DGKB: variants seen among roughly 807,000 people sequenced by gnomAD.
DGKB encodes the protein 90 kDa diacylglycerol kinase.
Under a neutral mutation model 114.3 loss-of-function variants are expected in DGKB, and 67 were observed. That is an observed-to-expected ratio of 0.59 (90% CI 0.48 to 0.72). The LOEUF is 0.72. Among genes scored for constraint, DGKB ranks in the 30% least tolerant of loss-of-function variants. The pLI is 0.00. For missense variants in DGKB, 907 were observed against 975.2 expected (o/e 0.93, Z 0.93); for synonymous variants, 398 against 323.1 (o/e 1.23, Z -2.49).
At chr7:14,933,408 C>T (rs1037301799) in intron 1 of DGKB, among the ~76,000 whole-genome samples, 1 of 152,038 alleles carries the variant, frequency 6.6e-6, no homozygotes. Flanking sequence ...CCCTTTGCCC[C>T]CAATTAAATT....
At chr7:14,277,117 CA>C (rs781478986) in intron 23 of DGKB, among the ~76,000 whole-genome samples, 10 of 152,082 alleles carry the variant, frequency 6.6e-5, no homozygotes, top group Non-Finnish European at 1.2e-4. Context: ...CTTTGACCAA[CA>C]ACTCGTTATT....
intron 8 of DGKB, among the ~76,000 whole-genome samples, chr7:14,697,830 GAGAA>G (rs1824292017): frequency 7.0e-6 from 1 of 142,302 alleles, no homozygotes; most frequent in East Asian, 2.1e-4. Context: ...AGGAGAGAGA[GAGAA>G]GGAAGGAAGG....
chr7:14,580,245 T>C (rs1253433712), intron 19 of DGKB, among the ~76,000 whole-genome samples: 2 of 152,206 alleles, frequency 1.3e-5, no homozygotes, highest in African/African-American at 4.8e-5. Context: ...ATTATCTAGC[T>C]AGCAGTTTTT....
chr7:14,901,004 C>A (rs534178891), intron 1 of DGKB, among the ~76,000 whole-genome samples: 9 of 152,174 alleles, frequency 5.9e-5, no homozygotes, highest in South Asian at 2.1e-4. Flanking sequence ...AATTTTTAAC[C>A]ACCCTCATGT....
At chr7:14,478,283 A>T in intron 20 of DGKB, 58 bp from the exon 21 acceptor site, 9 of 989,560 alleles carry the variant, frequency 9.1e-6, no homozygotes, top group Non-Finnish European at 1.3e-5. Flanking sequence ...TTATTTTATG[A>T]AAATGTAGAC....
rs193023550 is a variant in DGKB at position 14,665,244 on chromosome 7, G to C, written c.1134+7685C>G. Among the ~76,000 whole-genome samples, 113 of 152,070 alleles carry C rather than the reference G, an allele frequency of 7.4e-4. 1 individual carries two copies. The highest frequency in any genetic ancestry group is 2.6e-3 in the African/African-American group (106 of 41,534). ...TGTTCTTGGCAAGAGCATGGATGGA[G>C]CTAAAGGCCATTTTCCTTAGGAAAC... is the stretch of plus-strand genomic sequence containing the variant. On this transcript the variant is annotated intron_variant, in intron 13 of 25. Transcript: ENST00000402815.
intron 12 of DGKB, among the ~76,000 whole-genome samples, chr7:14,675,671 C>G (rs928943356): frequency 6.6e-6 from 1 of 151,400 alleles, no homozygotes; most frequent in African/African-American, 2.4e-5. Context: ...TCTAGGCGGT[C>G]GTAAGGCACT....
chr7:14,794,214 ATTTTAAAGATAAG>A (rs902913743), intron 2 of DGKB, among the ~76,000 whole-genome samples: 7 of 152,164 alleles, frequency 4.6e-5, no homozygotes, highest in Non-Finnish European at 7.4e-5. Context: ...GAGGAACGTA[ATTTTAAAGATAAG>A]TTTTCAAAAT....
chr7:14,639,992 T>G (rs1811444608), intron 13 of DGKB, among the ~76,000 whole-genome samples: 1 of 152,154 alleles, frequency 6.6e-6, no homozygotes, highest in Non-Finnish European at 1.5e-5. Context: ...TGCACAAACA[T>G]ACTTATGGTT....
At chr7:14,703,424 G>C (rs1825569908) in intron 6 of DGKB, among the ~76,000 whole-genome samples, 1 of 152,204 alleles carries the variant, frequency 6.6e-6, no homozygotes, top group South Asian at 2.1e-4. Context: ...ATTACTGACA[G>C]TGTCTGAAAC....
chr7:14,643,471 G>C (rs1812241744), intron 13 of DGKB, among the ~76,000 whole-genome samples: 1 of 152,108 alleles, frequency 6.6e-6, no homozygotes, highest in African/African-American at 2.4e-5. Flanking sequence ...GGGCCAAATA[G>C]CCCCTGTATC....
chr7:14,181,597 T>G (rs371528585), intron 23 of DGKB, among the ~76,000 whole-genome samples: 1 of 152,118 alleles, frequency 6.6e-6, no homozygotes, highest in East Asian at 1.9e-4. Context: ...TCCTTGAGTG[T>G]GAGAAAAAGA....
chr7:14,412,845 A>T (rs12539016), intron 21 of DGKB, among the ~76,000 whole-genome samples: 1 of 151,684 alleles, frequency 6.6e-6, no homozygotes, highest in Non-Finnish European at 1.5e-5. Flanking sequence ...AGAAGGCGTG[A>T]TGGTGCGTGC....
At chr7:14,762,862 T>C (rs1218753242) in intron 2 of DGKB, among the ~76,000 whole-genome samples, 1 of 152,164 alleles carries the variant, frequency 6.6e-6, no homozygotes, top group African/African-American at 2.4e-5. Flanking sequence ...AGAATAATGA[T>C]AGGGATCTGG....
chr7:14,903,351 C>T (rs1783418717), upstream of DGKB: 1 of 152,090 alleles, frequency 6.6e-6, no homozygotes, highest in Admixed American at 6.6e-5. Flanking sequence ...TGATGGAGCT[C>T]AGGGGAAAAT....
In DGKB at chr7:14,178,147, G is replaced by C. The variant is rs371859378; in HGVS notation, c.2127C>G (p.Leu709=). 1 of 1,613,340 alleles carries C rather than the reference G, an allele frequency of 6.2e-7. No homozygotes were observed. Among genetic ancestry groups the C allele is most frequent in the South Asian group, 1.1e-5 (1 of 91,066 alleles). The part of the protein sequence containing the change: ...AKELKFASQD[L]SDQLLEVVGL... ...CGACCACCTCCAGCAGCTGGTCACT[G>C]AGATCTGAAAGAAAGTAGATGCCTT... Residue 709 remains leucine, a synonymous_variant, in exon 24 of 26, where the codon CTC becomes CTG. Coordinates refer to ENST00000402815, the MANE Select transcript of DGKB (RefSeq NM_001350709.2).
intron 23 of DGKB, 77 bp from the exon 24 acceptor site, chr7:14,178,228 A>G: frequency 6.8e-6 from 10 of 1,463,160 alleles, no homozygotes; most frequent in Non-Finnish European, 9.2e-6. Context: ...GATATTATGG[A>G]GATTAAAAAA....
intron 20 of DGKB, among the ~76,000 whole-genome samples, chr7:14,495,922 A>C (rs1428464908): frequency 6.6e-6 from 1 of 151,798 alleles, no homozygotes. Flanking sequence ...AATTGACCAC[A>C]CAAAAAAAAG....
At chr7:14,625,735 G>A (rs1336141882) in intron 14 of DGKB, among the ~76,000 whole-genome samples, 1 of 151,542 alleles carries the variant, frequency 6.6e-6, no homozygotes, top group East Asian at 1.9e-4. Context: ...GAAAATTGTT[G>A]CTTTAATCAA....
Sources: allele counts gnomAD v4.1 joint callset (sites outside exome capture counted in the v4.1 genomes callset), GRCh38; gene constraint gnomAD v4.1.1; transcripts MANE v1.5; gene names NCBI Gene and HGNC (gene_info 2026-07-23, HGNC 2026-07-21).